HS6ST3: variants seen among roughly 807,000 people sequenced by gnomAD.
The protein encoded by HS6ST3 is heparan-sulfate 6-O-sulfotransferase 3.
HS6ST3 carries 12 observed loss-of-function variants against 36.7 expected under a neutral mutation model. The ratio of observed to expected loss-of-function variants is 0.33; its 90% CI spans 0.21 to 0.53. The LOEUF (loss-of-function observed/expected upper bound fraction) is 0.53, where lower values mean the gene tolerates loss of function less well. Among genes scored for constraint, HS6ST3 ranks in the 20% least tolerant of loss-of-function variants. The pLI, the probability that HS6ST3 is intolerant of heterozygous loss-of-function variation, is 0.95. For synonymous variants in HS6ST3, 240 were observed against 257.5 expected (o/e 0.93, Z 0.65); for missense variants, 584 against 640.9 (o/e 0.91, Z 0.96).
chr13:96,775,283 A>G (rs890402552), intron 1 of HS6ST3, among the ~76,000 whole-genome samples: 11 of 152,152 alleles, frequency 7.2e-5, no homozygotes, highest in African/African-American at 7.2e-5. Context: ...ACTAATGGAT[A>G]AAGTAACTGG....
At chr13:96,486,878 C>T (rs555217773) in intron 1 of HS6ST3, among the ~76,000 whole-genome samples, 9 of 152,098 alleles carry the variant, frequency 5.9e-5, no homozygotes, top group Non-Finnish European at 1.0e-4. Context: ...AGCGTTATTC[C>T]GTAGCAAAAA....
chr13:96,146,657 G>T (rs1202895191), intron 1 of HS6ST3, among the ~76,000 whole-genome samples: 2 of 152,098 alleles, frequency 1.3e-5, no homozygotes, highest in African/African-American at 4.8e-5. Flanking sequence ...TCTCATTCCT[G>T]CCTGACCCTG....
At chr13:96,136,022 G>A (rs776776000) in intron 1 of HS6ST3, among the ~76,000 whole-genome samples, 1 of 152,048 alleles carries the variant, frequency 6.6e-6, no homozygotes, top group Non-Finnish European at 1.5e-5. Context: ...CTTCTGATTG[G>A]CCACACTTGG....
chr13:96,655,984 A>G (rs1374285714), intron 1 of HS6ST3, among the ~76,000 whole-genome samples: 1 of 152,144 alleles, frequency 6.6e-6, no homozygotes, highest in Non-Finnish European at 1.5e-5. Context: ...CCACAATTAT[A>G]ATTCAGAATC....
chr13:96,168,198 A>G (rs2054170095), intron 1 of HS6ST3, among the ~76,000 whole-genome samples: 1 of 152,118 alleles, frequency 6.6e-6, no homozygotes, highest in Admixed American at 6.6e-5. Flanking sequence ...TATGGAGGAA[A>G]TGTATGTGCT....
chr13:96,110,664 TC>T (rs1178036094), intron 1 of HS6ST3, among the ~76,000 whole-genome samples: 1 of 151,632 alleles, frequency 6.6e-6, no homozygotes, highest in African/African-American at 2.4e-5. Context: ...GACCTCCTGA[TC>T]CCCCCGCCTC....
chr13:96,297,443 A>G (rs11619328), intron 1 of HS6ST3, among the ~76,000 whole-genome samples: 19,987 of 152,118 alleles, frequency 0.13, 1,555 homozygotes, highest in African/African-American at 0.2. Context: ...CTCTTAATCC[A>G]TCTTTTAAAA....
intron 1 of HS6ST3, among the ~76,000 whole-genome samples, chr13:96,533,968 A>G (rs2056145462): frequency 6.6e-6 from 1 of 152,108 alleles, no homozygotes; most frequent in African/African-American, 2.4e-5. Context: ...TCCCTTTCTC[A>G]TCATTCATTC....
chr13:96,535,402 C>G (rs542301913), intron 1 of HS6ST3, among the ~76,000 whole-genome samples: 22 of 151,438 alleles, frequency 1.5e-4, no homozygotes, highest in Non-Finnish European at 3.1e-4. Flanking sequence ...TAAAAAAATA[C>G]TAAAAATTAG....
intron 1 of HS6ST3, among the ~76,000 whole-genome samples, chr13:96,143,608 T>G (rs2054042514): frequency 6.6e-6 from 1 of 152,024 alleles, no homozygotes; most frequent in Non-Finnish European, 1.5e-5. Context: ...TGAGATCATT[T>G]CTATTTTTAA....
intron 1 of HS6ST3, among the ~76,000 whole-genome samples, chr13:96,121,180 C>T (rs915216072): frequency 9.9e-5 from 15 of 152,190 alleles, no homozygotes; most frequent in Admixed American, 6.5e-5. Flanking sequence ...GAAATGCCTT[C>T]CTTTCCCTTT....
chr13:96,470,566 T>C (rs543535315), intron 1 of HS6ST3, among the ~76,000 whole-genome samples: 1 of 152,230 alleles, frequency 6.6e-6, no homozygotes, highest in African/African-American at 2.4e-5. Context: ...AAACTCCCCA[T>C]TGTCATCCTG....
At chr13:96,819,776 A>G (rs9554364) in intron 1 of HS6ST3, among the ~76,000 whole-genome samples, 80,463 of 152,022 alleles carry the variant, frequency 0.53, 21,777 homozygotes, top group African/African-American at 0.64. Flanking sequence ...GTATATGGCC[A>G]GGCACAGTGG....
At chr13:96,732,104 C>T (rs923028310) in intron 1 of HS6ST3, among the ~76,000 whole-genome samples, 1 of 152,204 alleles carries the variant, frequency 6.6e-6, no homozygotes, top group Non-Finnish European at 1.5e-5. Flanking sequence ...TCCATTCTAA[C>T]TGGAGTGCGA....
At chr13:96,817,382 A>C (rs1009175189) in intron 1 of HS6ST3, among the ~76,000 whole-genome samples, 2 of 152,160 alleles carry the variant, frequency 1.3e-5, no homozygotes, top group African/African-American at 4.8e-5. Context: ...GGGCCCCTTG[A>C]ATTTTTATAT....
intron 1 of HS6ST3, among the ~76,000 whole-genome samples, chr13:96,424,129 T>G (rs1225854170): frequency 6.6e-6 from 1 of 152,218 alleles, no homozygotes; most frequent in African/African-American, 2.4e-5. Flanking sequence ...ATGACCATAT[T>G]TATTAGAGAT....
intron 1 of HS6ST3, among the ~76,000 whole-genome samples, chr13:96,439,738 C>T (rs1026287686): frequency 6.6e-6 from 1 of 152,198 alleles, no homozygotes; most frequent in African/African-American, 2.4e-5. Context: ...ACTGTTAGTG[C>T]TAACGCAGTA....
chr13:96,783,338 A>G (rs1176219592), intron 1 of HS6ST3, among the ~76,000 whole-genome samples: 2 of 152,196 alleles, frequency 1.3e-5, no homozygotes, highest in Non-Finnish European at 1.5e-5. Flanking sequence ...TTGACAGCCT[A>G]CAAACTAAAC....
intron 1 of HS6ST3, among the ~76,000 whole-genome samples, chr13:96,577,365 T>C (rs1222437192): frequency 6.6e-6 from 1 of 152,220 alleles, no homozygotes; most frequent in East Asian, 1.9e-4. Context: ...TATGGCTGCA[T>C]AGTATTCCAT....
Sources: allele counts gnomAD v4.1 joint callset (sites outside exome capture counted in the v4.1 genomes callset), GRCh38; gene constraint gnomAD v4.1.1; transcripts MANE v1.5; gene names NCBI Gene and HGNC (gene_info 2026-07-23, HGNC 2026-07-21).